Variants in COMMD10 observed in about 807,000 individuals in gnomAD.
The protein encoded by COMMD10 is COMM domain-containing protein 10.
Under a neutral mutation model 28.9 loss-of-function variants are expected in COMMD10, and 33 were observed. The observed-to-expected ratio is 1.14, with a 90% CI of 0.87 to 1.53. The LOEUF (loss-of-function observed/expected upper bound fraction) is 1.53, where lower values mean the gene tolerates loss of function less well. Among genes scored for constraint, COMMD10 ranks in the 40% most tolerant of loss-of-function variants. The probability of loss-of-function intolerance (pLI) is 0.00; values close to 1 mark genes in which losing one functional copy is unlikely to be tolerated. For synonymous variants in COMMD10, 110 were observed against 81.7 expected (o/e 1.35, Z -1.87); for missense variants, 310 against 233.4 (o/e 1.33, Z -2.14).
intron 5 of COMMD10, among the ~76,000 whole-genome samples, chr5:116,168,717 C>T (rs2112577627): frequency 6.6e-6 from 1 of 152,286 alleles, no homozygotes; most frequent in South Asian, 2.1e-4. Context: ...GAACAACCTG[C>T]TGCTGAATGA....
intron 5 of COMMD10, among the ~76,000 whole-genome samples, chr5:116,285,883 T>C (rs535603302): frequency 1.2e-3 from 186 of 151,948 alleles, no homozygotes; most frequent in Non-Finnish European, 4.0e-4. Flanking sequence ...CTCATTAGAA[T>C]AAGCTTGGAA....
intron 4 of COMMD10, among the ~76,000 whole-genome samples, chr5:116,099,420 A>G (rs1750579461): frequency 1.4e-5 from 1 of 72,062 alleles, no homozygotes; most frequent in Non-Finnish European, 3.7e-5. Flanking sequence ...GAGGGTGCAG[A>G]TATCTCTTCA....
rs542832999 is a variant in COMMD10, at chr5:116,135,578, A to G, written c.510+1400A>G. Among the ~76,000 whole-genome samples the G allele has an allele frequency of 1.9e-3, 291 of 152,302 alleles. 3 individuals are homozygous for G. The highest frequency in any genetic ancestry group is 6.6e-3 in the African/African-American group (274 of 41,564). ...CCATAGTTTCAGTTACCCGCGGTCA[A>G]CTGCCGTTTGAAATAGGTGAGTACA... On this transcript the variant is annotated intron_variant, in intron 5 of 6. Transcript: ENST00000274458.
intron 5 of COMMD10, among the ~76,000 whole-genome samples, chr5:116,260,153 A>T (rs555721900): frequency 6.6e-6 from 1 of 151,934 alleles, no homozygotes; most frequent in Admixed American, 6.6e-5. Flanking sequence ...GTAAAATGGA[A>T]AAATACAGAT....
chr5:116,288,872 CTTTTTTTTTTTTTT>C (rs1157658912), intron 5 of COMMD10, among the ~76,000 whole-genome samples: 1 of 104,358 alleles, frequency 9.6e-6, no homozygotes, highest in South Asian at 3.2e-4. Context: ...TGTTCTCTCT[CTTTTTTTTTTTTTT>C]TTTTTTTTTT....
intron 5 of COMMD10, among the ~76,000 whole-genome samples, chr5:116,236,623 C>T (rs1287929645): frequency 2.0e-5 from 3 of 151,096 alleles, no homozygotes; most frequent in Non-Finnish European, 4.4e-5. Context: ...ATGATTCCAA[C>T]TATATGACAT....
chr5:116,163,989 G>T (rs922566991), intron 5 of COMMD10, among the ~76,000 whole-genome samples: 1 of 152,052 alleles, frequency 6.6e-6, no homozygotes, highest in Admixed American at 6.5e-5. Context: ...AGGGGTGATG[G>T]AAATACTTTG....
chr5:116,220,504 C>T (rs1379460732), intron 5 of COMMD10, among the ~76,000 whole-genome samples: 1 of 151,770 alleles, frequency 6.6e-6, no homozygotes, highest in Non-Finnish European at 1.5e-5. Context: ...GGGAACATGT[C>T]TGTATAGGTC....
intron 5 of COMMD10, among the ~76,000 whole-genome samples, chr5:116,221,732 C>A (rs528830148): frequency 6.6e-6 from 1 of 152,282 alleles, no homozygotes; most frequent in African/African-American, 2.4e-5. Context: ...AGGATAGCTT[C>A]TGTTTTTCAA....
At chr5:116,275,947 G>GAA (rs35220875) in intron 5 of COMMD10, among the ~76,000 whole-genome samples, 1 of 146,294 alleles carries the variant, frequency 6.8e-6, no homozygotes, top group East Asian at 2.0e-4. Flanking sequence ...GAAATAAACT[G>GAA]AAAAAAAAAT....
At chr5:116,172,371 C>G (rs991138715) in intron 5 of COMMD10, among the ~76,000 whole-genome samples, 46 of 152,066 alleles carry the variant, frequency 3.0e-4, no homozygotes, top group Admixed American at 3.3e-4. Flanking sequence ...AAGAAAAATA[C>G]TATGATGATA....
intron 5 of COMMD10, among the ~76,000 whole-genome samples, chr5:116,248,816 T>C (rs901738634): frequency 6.6e-6 from 1 of 151,918 alleles, no homozygotes; most frequent in East Asian, 1.9e-4. Context: ...TCCGGAAATA[T>C]ACTGACAAAA....
rs1426091695 is a variant in COMMD10 at position 116,157,995 on chromosome 5, GAGGTGTGCCTCCAA to G, written c.510+23820_510+23833del. Among the ~76,000 whole-genome samples, 17 of 151,540 alleles carry G rather than the reference GAGGTGTGCCTCCAA, an allele frequency of 1.1e-4. 1 individual carries two copies. Among genetic ancestry groups the G allele is most frequent in the Admixed American group, 1.1e-3 (17 of 15,240 alleles). ...TATCTACTTTTGTGAAAGGGAAGGGGAGGTGTGCCTCCAAAGTCTGTGTTACCTTTTGGGCTGCC... is the reference window on the plus strand; with the variant it reads ...TATCTACTTTTGTGAAAGGGAAGGGGAGTCTGTGTTACCTTTTGGGCTGCC... On this transcript the variant is annotated intron_variant, in intron 5 of 6. Coordinates refer to ENST00000274458, the MANE Select transcript of COMMD10 (RefSeq NM_016144.4).
At chr5:116,152,564 A>G (rs1752567758) in intron 5 of COMMD10, among the ~76,000 whole-genome samples, 1 of 134,348 alleles carries the variant, frequency 7.4e-6, no homozygotes, top group Admixed American at 7.0e-5. Flanking sequence ...TGAGGCAAGC[A>G]TAGAGTAATC....
intron 5 of COMMD10, among the ~76,000 whole-genome samples, chr5:116,184,055 A>C (rs1748061545): frequency 6.6e-6 from 1 of 152,114 alleles, no homozygotes; most frequent in Non-Finnish European, 1.5e-5. Context: ...CCAAATACTA[A>C]ATTACTGAGG....
In COMMD10 at chr5:116,163,482, C is replaced by T. The variant is rs969530056; in HGVS notation, c.510+29304C>T. On this transcript the variant is annotated intron_variant, in intron 5 of 6. Transcript: ENST00000274458. The stretch of plus-strand genomic sequence containing the variant: ...GCGGATGCCTGTAATCCCAGCTACT[C>T]AGGAGGCTGAGGCAGGGAATCACTT... Among the ~76,000 whole-genome samples, 5 of 149,482 alleles carry T rather than the reference C, an allele frequency of 3.3e-5. 1 individual carries two copies. Among genetic ancestry groups the T allele is most frequent in the South Asian group, 4.2e-4 (2 of 4,710 alleles).
chr5:116,229,342 A>G (rs1489456635), intron 5 of COMMD10, among the ~76,000 whole-genome samples: 1 of 152,024 alleles, frequency 6.6e-6, no homozygotes, highest in Non-Finnish European at 1.5e-5. Context: ...ATTGATTGCC[A>G]TTGTTGATAA....
chr5:116,146,725 C>G (rs1422190122), intron 5 of COMMD10, among the ~76,000 whole-genome samples: 1 of 151,444 alleles, frequency 6.6e-6, no homozygotes, highest in Non-Finnish European at 1.5e-5. Flanking sequence ...TTTTTCTTTC[C>G]TTTATATGAG....
chr5:116,089,851 G>A (rs1750239762), intron 2 of COMMD10, among the ~76,000 whole-genome samples: 1 of 152,190 alleles, frequency 6.6e-6, no homozygotes, highest in African/African-American at 2.4e-5. Flanking sequence ...AGTTTCAGGG[G>A]ATCTTCTTTT....
Sources: gnomAD v4.1 joint callset for allele counts (sites outside exome capture counted in the v4.1 genomes callset) on GRCh38, gnomAD v4.1.1 for gene constraint, MANE v1.5 for transcripts, NCBI Gene and HGNC (gene_info 2026-07-23, HGNC 2026-07-21) for gene names.